The following FMNL2 variants were observed in gnomAD, a reference collection of about 807,000 sequenced individuals.
FMNL2 encodes the protein formin-like protein 2.
A neutral mutation model predicts 130.2 loss-of-function variants in FMNL2; 51 were observed. That is an observed-to-expected ratio of 0.39 (90% CI 0.31 to 0.49). The LOEUF (loss-of-function observed/expected upper bound fraction) is 0.49. Ranked by LOEUF, FMNL2 falls within the 20% of genes least tolerant of loss-of-function variation. The pLI is 0.85. For missense variants in FMNL2, 977 were observed against 1,316.2 expected (o/e 0.74, Z 3.99); for synonymous variants, 465 against 467.1 (o/e 1.00, Z 0.06).
Position 152,337,673 on chromosome 2 carries a change from T to A in FMNL2, c.117+1953T>A, listed in dbSNP as rs544728270. ...TGCAAATATAGTATTTAGACAATTA[T>A]GATTGTACATCCCAAGCTTCTTGGG... On this transcript the variant is annotated intron_variant, in intron 1 of 25. Transcript: ENST00000288670. 2.0e-5 allele frequency among the ~76,000 whole-genome samples: 3 copies of A among 152,318 alleles called. No homozygotes were observed. In the East Asian group the frequency reaches 5.8e-4, roughly 29 times the overall value.
chr2:152,343,254 G>A (rs1681914872), intron 1 of FMNL2, among the ~76,000 whole-genome samples: 1 of 152,152 alleles, frequency 6.6e-6, no homozygotes, highest in Non-Finnish European at 1.5e-5. Flanking sequence ...CATAGAAGAT[G>A]CCCATGGCTT....
At chr2:152,621,141 C>G in intron 15 of FMNL2, 1 of 985,374 alleles carries the variant, frequency 1.0e-6, no homozygotes, top group South Asian at 4.7e-5. Flanking sequence ...ACCTGGCCAC[C>G]CTGATTAGGC....
chr2:152,559,168 C>T (rs998075652), intron 5 of FMNL2, among the ~76,000 whole-genome samples: 1 of 152,158 alleles, frequency 6.6e-6, no homozygotes, highest in Non-Finnish European at 1.5e-5. Context: ...AAGAGTGACT[C>T]CCTTTTTCTT....
At chr2:152,538,437 G>A (rs1039708862) in intron 2 of FMNL2, among the ~76,000 whole-genome samples, 1 of 151,828 alleles carries the variant, frequency 6.6e-6, no homozygotes, top group African/African-American at 2.4e-5. Context: ...GCGCCACCAC[G>A]CCTGACTAAT....
At chr2:152,494,571 C>G (rs1405267103) in intron 1 of FMNL2, among the ~76,000 whole-genome samples, 1 of 152,186 alleles carries the variant, frequency 6.6e-6, no homozygotes, top group East Asian at 1.9e-4. Flanking sequence ...ACGAGTTTCT[C>G]TCCTTCCAGA....
At chr2:152,368,682 G>GA (rs1373596368) in intron 1 of FMNL2, among the ~76,000 whole-genome samples, 9 of 152,108 alleles carry the variant, frequency 5.9e-5, no homozygotes, top group Non-Finnish European at 1.2e-4. Context: ...AGGAGGGAGA[G>GA]AAAGGGGGAG....
intron 20 of FMNL2, among the ~76,000 whole-genome samples, chr2:152,631,157 G>A (rs548704921): frequency 1.3e-4 from 19 of 151,990 alleles, no homozygotes; most frequent in East Asian, 7.7e-4. Context: ...AGGCTGAGGC[G>A]GGAGGATCAC....
intron 7 of FMNL2, 24 bp from the exon 8 acceptor site, chr2:152,578,863 CT>C (rs755092847): frequency 5.9e-5 from 92 of 1,566,714 alleles, no homozygotes; most frequent in Admixed American, 1.6e-4. Flanking sequence ...CTTTGTGTTT[CT>C]TTTTTTTTCC....
At chr2:152,346,742 A>G (rs1682145206) in intron 1 of FMNL2, among the ~76,000 whole-genome samples, 1 of 152,166 alleles carries the variant, frequency 6.6e-6, no homozygotes, top group Non-Finnish European at 1.5e-5. Flanking sequence ...TTTCTTGGTC[A>G]TTTTTTAGAA....
intron 1 of FMNL2, among the ~76,000 whole-genome samples, chr2:152,459,677 T>C (rs1380543032): frequency 1.3e-5 from 2 of 152,186 alleles, no homozygotes; most frequent in Non-Finnish European, 2.9e-5. Context: ...GTTCTACCTA[T>C]TGTAAATAAA....
At chr2:152,492,361 T>C (rs1190762903) in intron 1 of FMNL2, among the ~76,000 whole-genome samples, 1 of 152,246 alleles carries the variant, frequency 6.6e-6, no homozygotes, top group African/African-American at 2.4e-5. Context: ...AAGATCGTTT[T>C]CTAAAATAGC....
intron 6 of FMNL2, among the ~76,000 whole-genome samples, chr2:152,566,599 T>G (rs1332633061): frequency 6.6e-6 from 1 of 152,218 alleles, no homozygotes; most frequent in African/African-American, 2.4e-5. Context: ...AGACTGATTA[T>G]GGACTTAGTT....
chr2:152,492,331 A>C (rs1261287090), intron 1 of FMNL2, among the ~76,000 whole-genome samples: 3 of 152,216 alleles, frequency 2.0e-5, no homozygotes, highest in African/African-American at 7.2e-5. Context: ...CAGGAACTTC[A>C]TTTCGGGGAA....
At chr2:152,461,404 T>C (rs1363072877) in intron 1 of FMNL2, among the ~76,000 whole-genome samples, 1 of 152,198 alleles carries the variant, frequency 6.6e-6, no homozygotes, top group Non-Finnish European at 1.5e-5. Flanking sequence ...TATGATTTAC[T>C]CCTAATGCAC....
rs550836198 is a variant in FMNL2, at chr2:152,504,670, A to T, written c.118-17273A>T. Among the ~76,000 whole-genome samples the T allele has an allele frequency of 2.0e-5, 3 of 152,306 alleles. No homozygotes were observed. In the East Asian group the frequency reaches 5.8e-4, roughly 29 times the overall value. On this transcript the variant is annotated intron_variant, in intron 1 of 25. Coordinates refer to ENST00000288670, the MANE Select transcript of FMNL2 (RefSeq NM_052905.4). ...AGTAAATGGGTTGTTTACTGAATGT[A>T]AGCTTCTATCTCTTATGCACTGAGG...
At chr2:152,641,204 ACACCTAGC>A (rs1422960706) in intron 25 of FMNL2, among the ~76,000 whole-genome samples, 1 of 152,020 alleles carries the variant, frequency 6.6e-6, no homozygotes, top group African/African-American at 2.4e-5. Context: ...CCTCGTGGCC[ACACCTAGC>A]CACCTGCCTG....
chr2:152,647,989 C>A lies in FMNL2; in HGVS notation c.*84C>A. ...TTTATGTGCTACGATTTAACTGCAG[C>A]CTTGAACACACACAAAAATATTCTT... On this transcript the variant is annotated 3_prime_UTR_variant, in exon 26 of 26. Coordinates refer to ENST00000288670, the MANE Select transcript of FMNL2 (RefSeq NM_052905.4). 1 of 1,112,790 alleles carries A rather than the reference C, an allele frequency of 9.0e-7. No homozygotes were observed. The highest frequency in any genetic ancestry group is 1.3e-6 in the Non-Finnish European group (1 of 775,958). The allele number at this position is 1,112,790 out of a possible 1,614,324, so 68.9% of individuals were successfully genotyped here. A position where few individuals can be genotyped will look rare whatever the true frequency, so the allele number is the denominator to read the frequency against.
At chr2:152,355,407 C>T (rs1450609258) in intron 1 of FMNL2, among the ~76,000 whole-genome samples, 3 of 152,280 alleles carry the variant, frequency 2.0e-5, no homozygotes, top group African/African-American at 2.4e-5. Context: ...AGAAACTATT[C>T]GTCTTGTCTT....
intron 1 of FMNL2, among the ~76,000 whole-genome samples, chr2:152,416,966 T>G (rs1390631490): frequency 1.3e-5 from 2 of 152,236 alleles, no homozygotes; most frequent in Non-Finnish European, 2.9e-5. Context: ...ATTAGTGGAC[T>G]GTTCCAAGGA....
Sources: allele counts gnomAD v4.1 joint callset (sites outside exome capture counted in the v4.1 genomes callset), GRCh38; gene constraint gnomAD v4.1.1; transcripts MANE v1.5; gene names NCBI Gene and HGNC (gene_info 2026-07-23, HGNC 2026-07-21).